The following EXOC4 variants were observed in gnomAD, a reference collection of about 807,000 sequenced individuals.
EXOC4 encodes the protein exocyst complex component 4, also known as SEC8-like 1.
In EXOC4, 71 loss-of-function variants were observed where a neutral mutation model predicts 107.2. The observed-to-expected ratio is 0.66, with a 90% CI of 0.55 to 0.81. The LOEUF (loss-of-function observed/expected upper bound fraction) is 0.81. Ranked by LOEUF, EXOC4 falls within the 30% of genes least tolerant of loss-of-function variation. EXOC4 has a pLI of 0.00. For missense variants in EXOC4, 1,108 were observed against 1,189.6 expected (o/e 0.93, Z 1.01); for synonymous variants, 456 against 441.2 (o/e 1.03, Z -0.42).
intron 13 of EXOC4, among the ~76,000 whole-genome samples, chr7:133,923,849 CT>C (rs1799993068): frequency 6.6e-6 from 1 of 152,136 alleles, no homozygotes; most frequent in Non-Finnish European, 1.5e-5. Context: ...GAGATGTTTT[CT>C]TCTAAAACCT....
intron 9 of EXOC4, among the ~76,000 whole-genome samples, chr7:133,574,186 AGTGT>A (rs1419704999): frequency 6.6e-6 from 1 of 152,064 alleles, no homozygotes; most frequent in Non-Finnish European, 1.5e-5. Context: ...TTGAAAAGAG[AGTGT>A]GTGTGTATGT....
intron 7 of EXOC4, among the ~76,000 whole-genome samples, chr7:133,442,249 A>G (rs552652287): frequency 6.6e-6 from 1 of 152,324 alleles, no homozygotes; most frequent in African/African-American, 2.4e-5. Context: ...TCAAATTAAA[A>G]AGACCCTTTT....
At chr7:133,546,988 CTTAT>C (rs906009343) in intron 9 of EXOC4, among the ~76,000 whole-genome samples, 6 of 152,096 alleles carry the variant, frequency 3.9e-5, no homozygotes, top group African/African-American at 1.4e-4. Context: ...ACAAAAATTC[CTTAT>C]TTGACACTAG....
intron 1 of EXOC4, among the ~76,000 whole-genome samples, chr7:133,263,374 C>CTTTTTTTTT (rs920302686): frequency 3.6e-5 from 3 of 83,974 alleles, no homozygotes; most frequent in African/African-American, 4.8e-5. Flanking sequence ...AAAAAGCATT[C>CTTTTTTTTT]TTTTTTTTTT....
At chr7:134,005,416 A>G (rs987342750) in intron 16 of EXOC4, among the ~76,000 whole-genome samples, 1 of 152,196 alleles carries the variant, frequency 6.6e-6, no homozygotes, top group African/African-American at 2.4e-5. Context: ...AAAAGAAAAC[A>G]CACATACACA....
At chr7:133,422,202 CT>C (rs1201231744) in intron 7 of EXOC4, among the ~76,000 whole-genome samples, 1 of 152,086 alleles carries the variant, frequency 6.6e-6, no homozygotes, top group Non-Finnish European at 1.5e-5. Flanking sequence ...CCATATATAC[CT>C]TTCTTCATTA....
At chr7:133,693,294 G>T (rs566548148) in intron 10 of EXOC4, among the ~76,000 whole-genome samples, 57 of 152,268 alleles carry the variant, frequency 3.7e-4, no homozygotes, top group African/African-American at 1.3e-3. Flanking sequence ...TGATGTTAGA[G>T]GGCAGGAAGC....
chr7:133,723,844 G>C (rs369205974), intron 10 of EXOC4, among the ~76,000 whole-genome samples: 1 of 151,830 alleles, frequency 6.6e-6, no homozygotes, highest in Non-Finnish European at 1.5e-5. Flanking sequence ...GCCTAGTCTG[G>C]TCTTGAACTC....
chr7:133,406,919 A>G (rs2150739815), intron 7 of EXOC4, among the ~76,000 whole-genome samples: 1 of 152,340 alleles, frequency 6.6e-6, no homozygotes, highest in African/African-American at 2.4e-5. Context: ...AGTGTGTGCC[A>G]TGAACCTTAT....
chr7:133,341,368 A>G (rs1795657030), intron 5 of EXOC4, among the ~76,000 whole-genome samples: 1 of 152,148 alleles, frequency 6.6e-6, no homozygotes, highest in Non-Finnish European at 1.5e-5. Flanking sequence ...GTTGATTTCC[A>G]GTTTTATTCC....
At chr7:133,702,005 T>C (rs1184922919) in intron 10 of EXOC4, among the ~76,000 whole-genome samples, 5 of 140,044 alleles carry the variant, frequency 3.6e-5, no homozygotes, top group Non-Finnish European at 6.2e-5. Context: ...TTCTTTTTTT[T>C]TTTTTTTTTT....
intron 10 of EXOC4, among the ~76,000 whole-genome samples, chr7:133,721,155 G>T (rs1795097292): frequency 6.6e-6 from 1 of 151,982 alleles, no homozygotes; most frequent in African/African-American, 2.4e-5. Flanking sequence ...AGAAAATATG[G>T]AGCTTAATTT....
At chr7:133,944,221 T>C (rs768282739) in intron 14 of EXOC4, among the ~76,000 whole-genome samples, 2 of 152,200 alleles carry the variant, frequency 1.3e-5, no homozygotes, top group Non-Finnish European at 2.9e-5. Flanking sequence ...CCAGGATATA[T>C]CACATTTATA....
At chr7:133,774,810 G>C (rs1023864323) in intron 10 of EXOC4, among the ~76,000 whole-genome samples, 1 of 152,084 alleles carries the variant, frequency 6.6e-6, no homozygotes, top group Admixed American at 6.6e-5. Flanking sequence ...AAGAATCACT[G>C]AGGCTTATGG....
chr7:133,575,039 G>A (rs536373486), intron 9 of EXOC4, among the ~76,000 whole-genome samples: 16 of 152,170 alleles, frequency 1.1e-4, no homozygotes, highest in Non-Finnish European at 1.8e-4. Context: ...TAATACACAC[G>A]TGTTGAAAAG....
intron 9 of EXOC4, among the ~76,000 whole-genome samples, chr7:133,606,409 T>C (rs1456292085): frequency 2.0e-5 from 3 of 152,124 alleles, no homozygotes; most frequent in African/African-American, 7.2e-5. Flanking sequence ...CCTGAATATC[T>C]TCACTGAATA....
chr7:133,623,937 G>T (rs1802392296), intron 9 of EXOC4, among the ~76,000 whole-genome samples: 1 of 152,022 alleles, frequency 6.6e-6, no homozygotes, highest in Non-Finnish European at 1.5e-5. Context: ...AACCCCTCTG[G>T]CAGGGTGACA....
At chr7:133,521,256 T>C (rs1799972359) in intron 9 of EXOC4, among the ~76,000 whole-genome samples, 1 of 152,188 alleles carries the variant, frequency 6.6e-6, no homozygotes, top group Admixed American at 6.5e-5. Context: ...TTATTTAACA[T>C]TATCTTTTGT....
intron 10 of EXOC4, among the ~76,000 whole-genome samples, chr7:133,812,819 G>C (rs1000593793): frequency 6.6e-6 from 1 of 151,998 alleles, no homozygotes; most frequent in East Asian, 1.9e-4. Context: ...TCACCATGCC[G>C]TGTATTAGAT....
Sources: allele counts gnomAD v4.1 joint callset (sites outside exome capture counted in the v4.1 genomes callset), GRCh38; gene constraint gnomAD v4.1.1; transcripts MANE v1.5; gene names NCBI Gene and HGNC (gene_info 2026-07-23, HGNC 2026-07-21).